Variants in RRP12 observed in about 807,000 individuals in gnomAD.
RRP12 encodes RRP12-like protein.
A neutral mutation model predicts 157.3 loss-of-function variants in RRP12; 78 were observed. The observed-to-expected ratio is 0.50, with a 90% CI of 0.41 to 0.60. The LOEUF is 0.60. RRP12 is among the 20% of genes least tolerant of loss of function. RRP12 has a pLI of 0.00. For synonymous variants in RRP12, 726 were observed against 670.9 expected (o/e 1.08, Z -1.27); for missense variants, 1,521 against 1,679.9 (o/e 0.91, Z 1.65).
At chr10:97,375,279 A>AT (rs1554878923) in intron 15 of RRP12, among the ~76,000 whole-genome samples, 24 of 149,350 alleles carry the variant, frequency 1.6e-4, no homozygotes, top group Admixed American at 4.0e-4. Context: ...AAAAAAAAAA[A>AT]TTTTTATAGA....
chr10:97,393,900 T>A, intron 3 of RRP12, 140 bp from the exon 4 acceptor site: 2 of 644,866 alleles, frequency 3.1e-6, no homozygotes, highest in Non-Finnish European at 5.4e-6. Flanking sequence ...GACTCTGGCA[T>A]TGTGTGGTTT....
chr10:97,364,641 C>T (rs1843925473), intron 29 of RRP12, among the ~76,000 whole-genome samples: 1 of 152,230 alleles, frequency 6.6e-6, no homozygotes, highest in South Asian at 2.1e-4. Context: ...CACATAAACT[C>T]AGGACATGGA....
intron 2 of RRP12, among the ~76,000 whole-genome samples, chr10:97,398,353 C>CTT (rs58136206): frequency 1.6e-4 from 9 of 57,532 alleles, no homozygotes; most frequent in Non-Finnish European, 2.2e-4. Context: ...CGCGCCCGGC[C>CTT]TTTTTTTTTT....
chr10:97,400,247 A>G (rs1326901136), intron 2 of RRP12, 58 bp downstream of exon 2: 4 of 1,303,738 alleles, frequency 3.1e-6, no homozygotes, highest in Non-Finnish European at 4.4e-6. Context: ...GAGCTGAAGA[A>G]AAGGCATGAG....
In RRP12 at chr10:97,396,299, G is replaced by C. The variant is rs562197338; in HGVS notation, c.372C>G (p.Ile124Met). Residue 124 changes from isoleucine to methionine, a missense_variant and splice_region_variant, in exon 3 of 34, where the codon ATC becomes ATG. Physicochemically the swap from Ile to Met is conservative, Grantham distance 10 (BLOSUM62 1). Transcript: ENST00000370992. ...WESNSAAHKE[I>M]CAVLAAVTEV... ...CAGTGACAGCAGCCAGAACAGCACA[G>C]ATCTGCACAGGAGGGAGAAAGCACT... The C allele has an allele frequency of 6.2e-7, 1 of 1,613,320 alleles. No homozygotes were observed. Among genetic ancestry groups the C allele is most frequent in the South Asian group, 1.1e-5 (1 of 91,054 alleles).
chr10:97,379,272 A>G, intron 15 of RRP12, 21 bp downstream of exon 15: 1 of 1,613,304 alleles, frequency 6.2e-7, no homozygotes, highest in Non-Finnish European at 8.5e-7. Context: ...CAGGTCACAC[A>G]CAGGCAAGGG....
In RRP12 at chr10:97,398,345, C is replaced by T. The variant is rs1340956637; in HGVS notation, c.369+1960G>A. 9.0e-5 allele frequency among the ~76,000 whole-genome samples: 6 copies of T among 66,498 alleles called. 1 individual carries two copies. Among genetic ancestry groups the T allele is most frequent in the East Asian group, 7.3e-4 (2 of 2,750 alleles). The allele number at this position is 66,498 out of a possible 152,430, so 43.6% of individuals were successfully genotyped here. A position where few individuals can be genotyped will look rare whatever the true frequency, so the allele number is the denominator to read the frequency against. ...CTGGGATTACAGGCGTGAGCCACCG[C>T]GCCCGGCCTTTTTTTTTTTTTTTTT... On this transcript the variant is annotated intron_variant, in intron 2 of 33. Transcript: ENST00000370992.
chr10:97,366,884 G>A lies in RRP12; in HGVS notation c.3073C>T (p.Pro1025Ser), dbSNP rs761411476. The A allele has an allele frequency of 9.9e-6, 16 of 1,613,794 alleles. No homozygotes were observed. The highest frequency in any genetic ancestry group is 1.4e-5 in the Non-Finnish European group (16 of 1,179,904). The change falls in exon 27 of 34, where the codon CCC becomes TCC. Residue 1025 changes from proline (P) to serine (S), a missense_variant. Pro to Ser is a moderately conservative substitution (Grantham distance 74). Coordinates refer to ENST00000370992, the MANE Select transcript of RRP12 (RefSeq NM_015179.4). ...FGFELVKRLL[P>S]EEYHRVLVNI... ...ACCAGGACTCTGTGGTACTCCTCGG[G>A]CAACAGCCTTTTCACCAGCTCAAAT... is the stretch of plus-strand genomic sequence containing the variant.
At chr10:97,362,105 CAAAAAAAAAA>C (rs11293071) in intron 30 of RRP12, among the ~76,000 whole-genome samples, 2 of 95,112 alleles carry the variant, frequency 2.1e-5, no homozygotes, top group Non-Finnish European at 4.6e-5. Flanking sequence ...GACTTCATCT[CAAAAAAAAAA>C]AAAAAAAAAG....
chr10:97,374,599 C>T (rs185651556), intron 15 of RRP12, among the ~76,000 whole-genome samples: 2,941 of 151,712 alleles, frequency 0.019, 62 homozygotes, highest in African/African-American at 0.052. Flanking sequence ...GGTGAAACCC[C>T]GTCTCTACTA....
At chr10:97,396,583 T>C (rs1433770698) in intron 2 of RRP12, among the ~76,000 whole-genome samples, 3 of 152,032 alleles carry the variant, frequency 2.0e-5, no homozygotes. Flanking sequence ...CAGCAACAAA[T>C]TGGAATGGTC....
Position 97,372,829 on chromosome 10 carries a change from AAGAG to A in RRP12, c.2182-30_2182-27del, listed in dbSNP as rs775786788. 2.1e-4 allele frequency: 325 copies of A among 1,552,536 alleles called. No homozygotes were observed. The African/African-American group carries it at 4.1e-3, about 20-fold the overall frequency. ...CTTGTGGCCCCGAGGGAATGAGGAG[AAGAG>A]AGTCATTGGGGAGGAGCGAAAGAAA... is the stretch of plus-strand genomic sequence containing the variant. On this transcript the variant is annotated intron_variant, in intron 18 of 33. Transcript: ENST00000370992.
chr10:97,393,730 C>G lies in RRP12; in HGVS notation c.484G>C (p.Glu162Gln). 6.2e-7 allele frequency: 1 copy of G among 1,614,038 alleles called. No individual in the cohort carries two copies. The highest frequency in any genetic ancestry group is 8.5e-7 in the Non-Finnish European group (1 of 1,179,976). ...MTTMEAVESP[E>Q]SLAAVAYLLN... ...AGGTAAGCAACGGCGGCCAGGGACT[C>G]CGGGGACTCCACTGCTTCCATTGTT... The change falls in exon 4 of 34, where the codon GAG becomes CAG. Residue 162 changes from glutamate (E) to glutamine (Q), a missense_variant. By Grantham distance (29) the Glu-to-Gln change is conservative. Transcript: ENST00000370992.
intron 29 of RRP12, among the ~76,000 whole-genome samples, chr10:97,365,000 G>A (rs1475148221): frequency 2.0e-5 from 3 of 152,132 alleles, no homozygotes; most frequent in Non-Finnish European, 4.4e-5. Flanking sequence ...ACAGGCACAT[G>A]TACACCAAGT....
chr10:97,363,105 T>C (rs1018003276), intron 30 of RRP12, among the ~76,000 whole-genome samples: 9 of 152,226 alleles, frequency 5.9e-5, no homozygotes, highest in Non-Finnish European at 1.0e-4. Flanking sequence ...GATATCACTA[T>C]ACCCTGATGT....
In RRP12 at chr10:97,373,102, G is replaced by A. The variant is rs760196069; in HGVS notation, c.2125C>T (p.Pro709Ser). The A allele has an allele frequency of 6.2e-7, 1 of 1,614,018 alleles. No individual in the cohort carries two copies. Among genetic ancestry groups the A allele is most frequent in the African/African-American group, 1.3e-5 (1 of 74,932 alleles). ...QPVAAGDTPA[P>S]RRAVLETIRT... is the part of the protein sequence containing the mutation. ...ATGGTTTCCAGCACAGCCCGGCGAG[G>A]GGCTGGAGTGTCCCCGGCTGCCACG... The change falls in exon 18 of 34, where the codon CCT (proline) becomes TCT (serine). Residue 709 changes from proline (P) to serine (S), a missense_variant. Transcript: ENST00000370992.
At chr10:97,368,994 A>T (rs1443250681) in intron 25 of RRP12, among the ~76,000 whole-genome samples, 1 of 152,176 alleles carries the variant, frequency 6.6e-6, no homozygotes, top group Non-Finnish European at 1.5e-5. Context: ...ATCCTTCTGC[A>T]GCCCAGCAGG....
rs191928730 is a variant in RRP12, at chr10:97,378,814, G to A, written c.1798+479C>T. Among the ~76,000 whole-genome samples, 501 of 152,142 alleles carry A rather than the reference G, an allele frequency of 3.3e-3. 1 individual carries two copies. Among genetic ancestry groups the A allele is most frequent in the Non-Finnish European group, 4.4e-3 (301 of 68,014 alleles). ...GGAGGTTGCAGTGAGCCGAGATTGC[G>A]CCACTGTGCTCCAGCCTGGGCAACA... On this transcript the variant is annotated intron_variant, in intron 15 of 33. Coordinates refer to ENST00000370992, the MANE Select transcript of RRP12 (RefSeq NM_015179.4).
intron 15 of RRP12, among the ~76,000 whole-genome samples, chr10:97,375,239 G>T (rs1437035624): frequency 1.4e-5 from 2 of 146,700 alleles, no homozygotes; most frequent in Admixed American, 1.4e-4. Context: ...AACTACAGGT[G>T]AGCCTACCAC....
Sources: gnomAD v4.1 joint callset for allele counts (sites outside exome capture counted in the v4.1 genomes callset) on GRCh38, gnomAD v4.1.1 for gene constraint, MANE v1.5 for transcripts, NCBI Gene and HGNC (gene_info 2026-07-23, HGNC 2026-07-21) for gene names.